Variants in TDRD12 observed in about 807,000 individuals in gnomAD.
The protein encoded by TDRD12 is tudor domain containing 12.
Under a neutral mutation model 133.5 loss-of-function variants are expected in TDRD12, and 158 were observed. That is an observed-to-expected ratio of 1.18 (90% CI 1.04 to 1.35). The LOEUF (loss-of-function observed/expected upper bound fraction) is 1.35, where lower values mean the gene tolerates loss of function less well. Ranked by LOEUF, TDRD12 falls within the 40% of genes most tolerant of loss-of-function variation. The pLI, the probability that TDRD12 is intolerant of heterozygous loss-of-function variation, is 0.00. For missense variants in TDRD12, 1,443 were observed against 1,321.3 expected (o/e 1.09, Z -1.43); for synonymous variants, 460 against 477.9 (o/e 0.96, Z 0.49).
At chr19:32,794,954 T>A (rs1434232974) in intron 14 of TDRD12, 141 bp downstream of exon 14, 2 of 607,288 alleles carry the variant, frequency 3.3e-6, no homozygotes, top group East Asian at 5.5e-5. Context: ...TGTGGGAAAG[T>A]GTCCTTTCCC....
At chr19:32,821,358 C>T (rs1042768422), downstream of TDRD12, 8 of 553,890 alleles carry the variant, frequency 1.4e-5, no homozygotes, top group Admixed American at 2.5e-4. Context: ...GTTAAGTGAA[C>T]AGCTCAGCAG....
chr19:32,753,192 G>A (rs1395182511), intron 6 of TDRD12, among the ~76,000 whole-genome samples: 1 of 152,006 alleles, frequency 6.6e-6, no homozygotes, highest in Non-Finnish European at 1.5e-5. Context: ...TTCCAACTGG[G>A]GTGTCATGAT....
At chr19:32,770,806 T>A (rs1970422755) in intron 8 of TDRD12, among the ~76,000 whole-genome samples, 1 of 152,210 alleles carries the variant, frequency 6.6e-6, no homozygotes, top group African/African-American at 2.4e-5. Context: ...TAGAATTGAA[T>A]CAGTTAATTC....
At chr19:32,781,232 G>A (rs542754352) in intron 11 of TDRD12, among the ~76,000 whole-genome samples, 3 of 152,228 alleles carry the variant, frequency 2.0e-5, no homozygotes, top group East Asian at 1.9e-4. Flanking sequence ...GTGAGCCACC[G>A]CGCTCGGCCA....
At chr19:32,809,229 C>T (rs1966915167) in intron 22 of TDRD12, among the ~76,000 whole-genome samples, 1 of 152,218 alleles carries the variant, frequency 6.6e-6, no homozygotes, top group African/African-American at 2.4e-5. Context: ...CCTCCTGTCC[C>T]TGGAGGGACA....
intron 9 of TDRD12, 104 bp downstream of exon 32, chr19:32,826,853 C>A: frequency 2.9e-6 from 2 of 688,476 alleles, no homozygotes; most frequent in Non-Finnish European, 4.1e-6. Context: ...GTGGACCGTT[C>A]ATGTCAAGCC....
chr19:32,749,427 A>ATGC, intron 5 of TDRD12, among the ~76,000 whole-genome samples: 1 of 152,254 alleles, frequency 6.6e-6, no homozygotes, highest in African/African-American at 2.4e-5. Flanking sequence ...GGTGGCAGTG[A>ATGC]TGCTGCTGCT....
chr19:32,736,683 T>C (rs1324361373), intron 2 of TDRD12, among the ~76,000 whole-genome samples: 1 of 152,240 alleles, frequency 6.6e-6, no homozygotes. Flanking sequence ...TTCCAACTTA[T>C]TCCCAAGGAC....
rs531955034 is a variant in TDRD12 at position 32,784,596 on chromosome 19, C to G, written c.1122-5935C>G. On this transcript the variant is annotated intron_variant, in intron 11 of 27. Transcript: ENST00000444215. ...TGCTCTTTCTACCTCTGGTAGAATTCGGCTGTGAATCTGTCTGTTCCTGGA... is the reference window on the plus strand; with the variant it reads ...TGCTCTTTCTACCTCTGGTAGAATTGGGCTGTGAATCTGTCTGTTCCTGGA... Among the ~76,000 whole-genome samples, 6 of 152,224 alleles carry G rather than the reference C, an allele frequency of 3.9e-5. No individual in the cohort carries two copies. The South Asian group carries it at 1.2e-3, about 32-fold the overall frequency.
At chr19:32,734,482 C>T (rs1249101584) in intron 2 of TDRD12, among the ~76,000 whole-genome samples, 2 of 151,900 alleles carry the variant, frequency 1.3e-5, no homozygotes, top group Non-Finnish European at 2.9e-5. Flanking sequence ...GCAATCCTCC[C>T]ACCTCAGCCT....
exon 9 of TDRD12, chr19:32,826,532 C>T (rs912927492): frequency 2.3e-5 from 29 of 1,247,868 alleles, no homozygotes; most frequent in East Asian, 1.2e-4. Context: ...TGATTAGAAA[C>T]GATGAACCTG....
intron 4 of TDRD12, among the ~76,000 whole-genome samples, chr19:32,745,237 C>G (rs1969566981): frequency 6.6e-6 from 1 of 152,234 alleles, no homozygotes; most frequent in Non-Finnish European, 1.5e-5. Flanking sequence ...TTGGTCCTGT[C>G]TTTCTTGACC....
chr19:32,744,495 G>A (rs1422064305), intron 4 of TDRD12, among the ~76,000 whole-genome samples: 2 of 67,562 alleles, frequency 3.0e-5, no homozygotes, highest in Non-Finnish European at 5.1e-5. Context: ...GTGAGACTCC[G>A]TCTCAAAAAA....
chr19:32,760,695 G>A (rs778669917), intron 8 of TDRD12, among the ~76,000 whole-genome samples: 29 of 152,018 alleles, frequency 1.9e-4, no homozygotes, highest in Non-Finnish European at 3.5e-4. Flanking sequence ...ATTCACTCTC[G>A]TGCCCCTAAC....
chr19:32,734,814 A>G (rs866978575), intron 2 of TDRD12, among the ~76,000 whole-genome samples: 1 of 152,016 alleles, frequency 6.6e-6, no homozygotes, highest in Non-Finnish European at 1.5e-5. Context: ...TCCTCACTTC[A>G]TGTCTCTGTG....
intron 1 of TDRD12, among the ~76,000 whole-genome samples, chr19:32,724,711 G>C (rs1437620460): frequency 6.6e-6 from 1 of 152,148 alleles, no homozygotes; most frequent in East Asian, 1.9e-4. Context: ...ATAACAGAAT[G>C]ATTGATATTC....
chr19:32,811,906 G>A (rs1398259854), intron 24 of TDRD12, among the ~76,000 whole-genome samples: 1 of 152,124 alleles, frequency 6.6e-6, no homozygotes, highest in Non-Finnish European at 1.5e-5. Context: ...GAAAAAAAGT[G>A]GAAAAGTGGA....
At chr19:32,779,682 G>A (rs1483614596) in intron 11 of TDRD12, among the ~76,000 whole-genome samples, 4 of 152,150 alleles carry the variant, frequency 2.6e-5, no homozygotes, top group African/African-American at 7.2e-5. Flanking sequence ...TTCTAAGCTG[G>A]TGCCAGCTTC....
exon 10 of TDRD12, chr19:32,827,298 C>G: frequency 8.8e-7 from 1 of 1,129,992 alleles, no homozygotes; most frequent in Non-Finnish European, 1.1e-6. Context: ...AGATGTTGAA[C>G]AAAAATGGAT....
Sources: allele counts gnomAD v4.1 joint callset (sites outside exome capture counted in the v4.1 genomes callset), GRCh38; gene constraint gnomAD v4.1.1; transcripts MANE v1.5; gene names NCBI Gene and HGNC (gene_info 2026-07-23, HGNC 2026-07-21).